Variants in OTC observed in about 807,000 individuals in gnomAD.
OTC encodes ornithine transcarbamylase.
Under a neutral mutation model 30.3 loss-of-function variants are expected in OTC, and 3 were observed. The observed-to-expected ratio is 0.10, with a 90% confidence interval of 0.05 to 0.26. OTC has a LOEUF of 0.26. OTC is among the 10% of genes least tolerant of loss of function. OTC has a pLI of 1.00. For synonymous variants in OTC, 111 were observed against 99.7 expected, an observed-to-expected ratio of 1.11 and a Z score of -0.67; for missense variants, 194 against 260.3, an observed-to-expected ratio of 0.75 and a Z score of 1.75.
At chrX:38,415,669 A>G (rs1023219893) in intron 9 of OTC, among the ~76,000 whole-genome samples, 4 of 110,599 alleles carry the variant, frequency 3.6e-5, no homozygotes, top group African/African-American at 6.6e-5. Flanking sequence ...CCTGGCCAAC[A>G]TGGTAAAACT....
At chrX:38,338,464 T>C in the OTC span, among the ~76,000 whole-genome samples, 1 of 112,230 alleles carries the variant, frequency 8.9e-6, no homozygotes, top group Non-Finnish European at 1.9e-5. Flanking sequence ...TGGCTTGTTT[T>C]GTGACACCGG....
intron 3 of OTC, among the ~76,000 whole-genome samples, chrX:38,373,062 A>G (rs1457716046): frequency 8.9e-6 from 1 of 112,277 alleles, no homozygotes; most frequent in Non-Finnish European, 1.9e-5. Flanking sequence ...TAACACACAA[A>G]CAGAAAAGTG....
At chrX:38,329,299 A>G in the OTC span, among the ~76,000 whole-genome samples, 2 of 111,473 alleles carry the variant, frequency 1.8e-5, no homozygotes, top group African/African-American at 6.5e-5. Context: ...CCTTGAGCAC[A>G]CTAAGACATC....
At chrX:38,378,394 T>C (rs2068359474) in intron 3 of OTC, among the ~76,000 whole-genome samples, 1 of 107,628 alleles carries the variant, frequency 9.3e-6, no homozygotes, top group South Asian at 4.3e-4. Flanking sequence ...ATATTTAATT[T>C]ACTCATTCAG....
At chrX:38,368,445 CA>C (rs1445351746) in intron 2 of OTC, among the ~76,000 whole-genome samples, 1 of 110,499 alleles carries the variant, frequency 9.0e-6, no homozygotes, top group Non-Finnish European at 1.9e-5. Flanking sequence ...AGGATAATGT[CA>C]AAAAATTCAC....
downstream of OTC, among the ~76,000 whole-genome samples, chrX:38,422,120 A>G (rs1057493599): frequency 6.2e-5 from 7 of 112,311 alleles, no homozygotes. Flanking sequence ...ACAGAAGACA[A>G]AATAATGTAA....
At chrX:38,338,281 C>T in the OTC span, among the ~76,000 whole-genome samples, 5 of 112,440 alleles carry the variant, frequency 4.4e-5, no homozygotes, top group African/African-American at 1.6e-4. Context: ...ACCTCATCAG[C>T]TGTCATTGAA....
chrX:38,337,553 C>A, the OTC span, among the ~76,000 whole-genome samples: 5 of 111,854 alleles, frequency 4.5e-5, no homozygotes, highest in South Asian at 1.5e-3. Flanking sequence ...TCTTCTCTCC[C>A]TCCACGTAAA....
At chrX:38,331,008 G>T in the OTC span, among the ~76,000 whole-genome samples, 1 of 111,810 alleles carries the variant, frequency 8.9e-6, no homozygotes, top group Admixed American at 9.5e-5. Context: ...AGGGCAGGGA[G>T]GTTTGTCCAT....
intron 4 of OTC, among the ~76,000 whole-genome samples, chrX:38,389,009 G>A: frequency 9.0e-6 from 1 of 111,724 alleles, no homozygotes; most frequent in Non-Finnish European, 1.9e-5. Context: ...TCCCTTTCCA[G>A]TGGCTTTCAG....
At chrX:38,343,157 A>G in the OTC span, among the ~76,000 whole-genome samples, 1 of 111,829 alleles carries the variant, frequency 8.9e-6, no homozygotes, top group Admixed American at 9.5e-5. Flanking sequence ...TATTACTGGG[A>G]CAGTGCTCCT....
chrX:38,361,556 T>C (rs1020183222), intron 1 of OTC, among the ~76,000 whole-genome samples: 1 of 111,753 alleles, frequency 8.9e-6, no homozygotes, highest in South Asian at 3.7e-4. Flanking sequence ...CTCACAGATA[T>C]TACACAGCGT....
intron 1 of OTC, among the ~76,000 whole-genome samples, chrX:38,358,906 G>A (rs139726734): frequency 0.01 from 1,130 of 110,435 alleles, 30 homozygotes; most frequent in Admixed American, 0.073. Flanking sequence ...ACAAGCATGA[G>A]CCACCGCACC....
intron 4 of OTC, among the ~76,000 whole-genome samples, chrX:38,396,318 T>G (rs1389834190): frequency 1.8e-5 from 2 of 111,403 alleles, no homozygotes; most frequent in Non-Finnish European, 3.8e-5. Context: ...GTTTTTAATC[T>G]CTGGCAGCAC....
At chrX:38,394,519 C>G (rs545382493) in intron 4 of OTC, among the ~76,000 whole-genome samples, 3 of 111,418 alleles carry the variant, frequency 2.7e-5, no homozygotes, top group African/African-American at 9.8e-5. Flanking sequence ...AATCATCAGT[C>G]AAGTAATTCA....
the OTC span, among the ~76,000 whole-genome samples, chrX:38,333,663 A>G: frequency 8.9e-6 from 1 of 112,017 alleles, no homozygotes; most frequent in African/African-American, 3.2e-5. Context: ...AGAGGCATGT[A>G]TGAACAAGGA....
chrX:38,333,940 C>T, the OTC span, among the ~76,000 whole-genome samples: 1 of 112,275 alleles, frequency 8.9e-6, no homozygotes, highest in Non-Finnish European at 1.9e-5. Flanking sequence ...GATTTGAGGA[C>T]TCATAGGTCC....
intron 3 of OTC, among the ~76,000 whole-genome samples, chrX:38,374,797 C>T (rs1202984910): frequency 8.9e-6 from 1 of 112,033 alleles, no homozygotes; most frequent in Non-Finnish European, 1.9e-5. Context: ...CATACTTGTA[C>T]TAGGCACTTA....
Position 38,408,810 on chromosome X carries a change from T to C in OTC, c.717+15T>C, listed in dbSNP as rs374537792. ...ATGCCAAAGAGGTATGCTCTTTACA[T>C]GTAAAGCTATTATTGCCTTTTACTG... is the stretch of plus-strand genomic sequence containing the variant. On this transcript the variant is annotated intron_variant, in intron 7 of 9. Transcript: ENST00000039007. 7.5e-6 allele frequency: 9 copies of C among 1,204,953 alleles called. No individual in the cohort carries two copies. Among genetic ancestry groups the C allele is most frequent in the Non-Finnish European group, 1.0e-5 (9 of 890,504 alleles).
Sources: gnomAD v4.1 joint callset for allele counts (sites outside exome capture counted in the v4.1 genomes callset) on GRCh38, gnomAD v4.1.1 for gene constraint, MANE v1.5 for transcripts, NCBI Gene and HGNC (gene_info 2026-07-23, HGNC 2026-07-21) for gene names.